ASAP1: variants seen among roughly 807,000 people sequenced by gnomAD.
The protein encoded by ASAP1 is arf-GAP with SH3 domain, ANK repeat and PH domain-containing protein 1.
ASAP1 carries 43 observed loss-of-function variants against 145.2 expected under a neutral mutation model. The observed-to-expected ratio is 0.30, with a 90% CI of 0.23 to 0.38. The LOEUF is 0.38. Among genes scored for constraint, ASAP1 ranks in the 10% least tolerant of loss-of-function variants. The pLI is 1.00. For synonymous variants in ASAP1, 546 were observed against 515.5 expected (o/e 1.06, Z -0.80); for missense variants, 1,018 against 1,355.3 (o/e 0.75, Z 3.91).
At chr8:130,339,044 G>C (rs1230974465) in intron 3 of ASAP1, among the ~76,000 whole-genome samples, 1 of 152,224 alleles carries the variant, frequency 6.6e-6, no homozygotes, top group African/African-American at 2.4e-5. Context: ...CAGCACCTGA[G>C]GAGAGAGGGG....
At chr8:130,090,981 GT>G (rs1308996260) in intron 25 of ASAP1, among the ~76,000 whole-genome samples, 1 of 152,226 alleles carries the variant, frequency 6.6e-6, no homozygotes, top group African/African-American at 2.4e-5. Context: ...TTCTGTGAGT[GT>G]CTGTCACGGG....
At chr8:130,087,234 G>A (rs984465588) in intron 25 of ASAP1, among the ~76,000 whole-genome samples, 11 of 152,106 alleles carry the variant, frequency 7.2e-5, no homozygotes, top group Non-Finnish European at 1.3e-4. Context: ...ACACTTGACA[G>A]GTGGGCCAAG....
intron 9 of ASAP1, among the ~76,000 whole-genome samples, chr8:130,174,433 C>G (rs945208691): frequency 6.6e-6 from 1 of 152,072 alleles, no homozygotes; most frequent in Non-Finnish European, 1.5e-5. Flanking sequence ...TGTAACATAA[C>G]AAGATCTTCA....
At chr8:130,264,071 C>T (rs1820100222) in intron 3 of ASAP1, among the ~76,000 whole-genome samples, 1 of 152,200 alleles carries the variant, frequency 6.6e-6, no homozygotes, top group South Asian at 2.1e-4. Flanking sequence ...ATATGATGGA[C>T]AGGACATGGT....
chr8:130,225,367 T>C (rs1265187270), intron 4 of ASAP1, among the ~76,000 whole-genome samples: 1 of 152,226 alleles, frequency 6.6e-6, no homozygotes, highest in African/African-American at 2.4e-5. Flanking sequence ...TTAAAAACCC[T>C]TAACCTTTAA....
chr8:130,116,588 T>C (rs201845060), intron 22 of ASAP1, 90 bp downstream of exon 22: 3 of 1,167,288 alleles, frequency 2.6e-6, no homozygotes, highest in East Asian at 4.7e-5. Flanking sequence ...AAAATGAATC[T>C]GCATTTTTAA....
chr8:130,074,486 CAG>C lies in ASAP1; in HGVS notation c.2701+1860_2701+1861del, dbSNP rs1554816937. On this transcript the variant is annotated intron_variant, in intron 27 of 29. Transcript: ENST00000518721. Reference sequence around the variant, plus strand: ...ACACACACACACACACACACACACACAGAGAGAACGAGAGTAGAGCAACGGGG... The same window carrying C: ...ACACACACACACACACACACACACACAGAGAACGAGAGTAGAGCAACGGGG... 3.8e-3 allele frequency among the ~76,000 whole-genome samples: 528 copies of C among 140,576 alleles called. 3 individuals are homozygous for C. Among genetic ancestry groups the C allele is most frequent in the Middle Eastern group, 0.022 (6 of 268 alleles). 92.2% of individuals were successfully genotyped at this position (140,576 alleles called of 152,430 possible). A position where few individuals can be genotyped will look rare whatever the true frequency, so the allele number is the denominator to read the frequency against.
chr8:130,250,862 T>C (rs1819152163), intron 3 of ASAP1, among the ~76,000 whole-genome samples: 1 of 152,130 alleles, frequency 6.6e-6, no homozygotes, highest in Non-Finnish European at 1.5e-5. Context: ...AAACAATTAA[T>C]CTGTTTACCA....
intron 27 of ASAP1, among the ~76,000 whole-genome samples, chr8:130,061,451 A>C (rs2097419376): frequency 6.6e-6 from 1 of 152,156 alleles, no homozygotes. Flanking sequence ...TATAGATATA[A>C]CTTTTACTTG....
intron 3 of ASAP1, among the ~76,000 whole-genome samples, chr8:130,263,739 A>C (rs1021019860): frequency 7.2e-5 from 11 of 152,208 alleles, no homozygotes; most frequent in Admixed American, 7.2e-4. Flanking sequence ...TCTACATCCT[A>C]GGGCTTATTC....
chr8:130,341,064 G>A, intron 3 of ASAP1: 1 of 363,972 alleles, frequency 2.7e-6, no homozygotes, highest in Non-Finnish European at 5.4e-6. Flanking sequence ...AACACCACGT[G>A]GCTGTGAGGG....
intron 3 of ASAP1, among the ~76,000 whole-genome samples, chr8:130,269,722 G>A (rs1820476748): frequency 6.6e-6 from 1 of 152,174 alleles, no homozygotes; most frequent in African/African-American, 2.4e-5. Context: ...AAAGGTCAGG[G>A]TCTCTGGTTA....
chr8:130,169,738 A>G (rs1162043782), intron 9 of ASAP1, among the ~76,000 whole-genome samples: 1 of 152,260 alleles, frequency 6.6e-6, no homozygotes, highest in African/African-American at 2.4e-5. Flanking sequence ...TTTCATGTAC[A>G]CAACTCTAAT....
At chr8:130,374,145 T>C (rs937151050) in intron 2 of ASAP1, among the ~76,000 whole-genome samples, 3 of 151,772 alleles carry the variant, frequency 2.0e-5, no homozygotes, top group African/African-American at 7.3e-5. Context: ...TGCATGACAT[T>C]GGGCAAAAGA....
chr8:130,077,056 T>C (rs1292742995), intron 26 of ASAP1, among the ~76,000 whole-genome samples: 1 of 152,032 alleles, frequency 6.6e-6, no homozygotes, highest in Non-Finnish European at 1.5e-5. Flanking sequence ...GACAAGGAAA[T>C]GGAAGGGAAT....
At chr8:130,160,355 A>C (rs954116599) in intron 11 of ASAP1, among the ~76,000 whole-genome samples, 1 of 152,174 alleles carries the variant, frequency 6.6e-6, no homozygotes, top group Admixed American at 6.5e-5. Flanking sequence ...CATGCAACCC[A>C]AACATGTTCT....
At chr8:130,106,155 G>A (rs754265879) in intron 24 of ASAP1, among the ~76,000 whole-genome samples, 15 of 152,092 alleles carry the variant, frequency 9.9e-5, no homozygotes, top group Non-Finnish European at 2.1e-4. Context: ...AGGGGGAAAG[G>A]ATTTAAAAAG....
chr8:130,349,458 A>G (rs1825873777), intron 3 of ASAP1, among the ~76,000 whole-genome samples: 1 of 152,248 alleles, frequency 6.6e-6, no homozygotes. Flanking sequence ...CACTTAGCAC[A>G]CCAGGCACTG....
intron 3 of ASAP1, among the ~76,000 whole-genome samples, chr8:130,297,584 T>C (rs1240753583): frequency 6.6e-6 from 1 of 152,188 alleles, no homozygotes. Flanking sequence ...TCTACAGAAG[T>C]GCAGGACGAC....
Sources: allele counts gnomAD v4.1 joint callset (sites outside exome capture counted in the v4.1 genomes callset), GRCh38; gene constraint gnomAD v4.1.1; transcripts MANE v1.5; gene names NCBI Gene and HGNC (gene_info 2026-07-23, HGNC 2026-07-21).